Variants in CTNNA3 observed in about 807,000 individuals in gnomAD.
The protein encoded by CTNNA3 is catenin alpha 3, also known as catenin alpha-3.
CTNNA3 carries 76 observed loss-of-function variants against 95.7 expected under a neutral mutation model. The observed-to-expected ratio is 0.79, with a 90% CI of 0.66 to 0.96. The LOEUF (loss-of-function observed/expected upper bound fraction) is 0.96. CTNNA3 is among the 40% of genes least tolerant of loss of function. The pLI, the probability that CTNNA3 is intolerant of heterozygous loss-of-function variation, is 0.00. For synonymous variants in CTNNA3, 431 were observed against 374.4 expected, an observed-to-expected ratio of 1.15 and a Z score of -1.74; for missense variants, 1,191 against 1,089.8, an observed-to-expected ratio of 1.09 and a Z score of -1.31.
intron 7 of CTNNA3, among the ~76,000 whole-genome samples, chr10:67,114,709 G>GGTGTGTGT (rs56772381): frequency 0.013 from 1,948 of 144,824 alleles, 48 homozygotes; most frequent in African/African-American, 0.047. Flanking sequence ...GGTTCTTAAA[G>GGTGTGTGT]GTGTGTGTGT....
chr10:67,454,403 C>T (rs981625126), intron 5 of CTNNA3, among the ~76,000 whole-genome samples: 2 of 152,046 alleles, frequency 1.3e-5, no homozygotes, highest in African/African-American at 4.8e-5. Context: ...ATTTTTCTGG[C>T]TGTATTGGAA....
chr10:66,000,422 T>A (rs541639759), intron 15 of CTNNA3, among the ~76,000 whole-genome samples: 1 of 152,188 alleles, frequency 6.6e-6, no homozygotes, highest in East Asian at 1.9e-4. Flanking sequence ...AATGTTTTCA[T>A]AGAGTCATTT....
intron 5 of CTNNA3, among the ~76,000 whole-genome samples, chr10:67,487,686 G>A (rs930440313): frequency 1.1e-4 from 16 of 152,218 alleles, no homozygotes; most frequent in African/African-American, 3.6e-4. Flanking sequence ...GCTATAGGCA[G>A]TGTGAAGAGC....
chr10:66,768,973 A>T (rs1469766694), intron 8 of CTNNA3, among the ~76,000 whole-genome samples: 1 of 151,564 alleles, frequency 6.6e-6, no homozygotes, highest in Non-Finnish European at 1.5e-5. Flanking sequence ...CAGTAAAGAC[A>T]GTGAGTATAA....
At chr10:66,688,699 C>T (rs1025659848) in intron 9 of CTNNA3, among the ~76,000 whole-genome samples, 9 of 152,036 alleles carry the variant, frequency 5.9e-5, no homozygotes, top group South Asian at 4.2e-4. Flanking sequence ...CGGCCGGGCG[C>T]GGTGGCTCAC....
At chr10:67,028,164 G>A (rs1409565105) in intron 7 of CTNNA3, among the ~76,000 whole-genome samples, 1 of 152,084 alleles carries the variant, frequency 6.6e-6, no homozygotes, top group East Asian at 1.9e-4. Context: ...AACTTTATAT[G>A]GAGCCCAACC....
chr10:67,336,503 C>T (rs1842000936), intron 5 of CTNNA3, among the ~76,000 whole-genome samples: 1 of 152,196 alleles, frequency 6.6e-6, no homozygotes, highest in African/African-American at 2.4e-5. Context: ...GGAGAAGCTG[C>T]AGCATATTAT....
At chr10:66,897,054 T>C (rs1235528786) in intron 7 of CTNNA3, among the ~76,000 whole-genome samples, 7 of 152,178 alleles carry the variant, frequency 4.6e-5, no homozygotes, top group African/African-American at 1.7e-4. Flanking sequence ...TATTGAGTTC[T>C]CAGCAAAAGT....
intron 14 of CTNNA3, among the ~76,000 whole-genome samples, chr10:66,086,832 A>C (rs1216835754): frequency 6.6e-6 from 1 of 152,086 alleles, no homozygotes; most frequent in Non-Finnish European, 1.5e-5. Context: ...GGTGTGCGCT[A>C]CTGGTGATAG....
intron 13 of CTNNA3, among the ~76,000 whole-genome samples, chr10:66,119,560 G>A (rs1311252597): frequency 2.6e-5 from 4 of 152,022 alleles, no homozygotes; most frequent in Non-Finnish European, 5.9e-5. Flanking sequence ...TCCCTCCTAG[G>A]GGATTAGGCT....
At chr10:66,594,118 T>G (rs924579310) in intron 10 of CTNNA3, among the ~76,000 whole-genome samples, 8 of 152,184 alleles carry the variant, frequency 5.3e-5, no homozygotes, top group Admixed American at 4.6e-4. Flanking sequence ...TCATGACATC[T>G]CCTCAAATCT....
At chr10:67,416,563 G>A (rs1234225072) in intron 5 of CTNNA3, among the ~76,000 whole-genome samples, 2 of 142,140 alleles carry the variant, frequency 1.4e-5, no homozygotes, top group Admixed American at 1.5e-4. Context: ...AGCCGAGATC[G>A]CGCCACTGCA....
At chr10:65,961,351 G>T (rs1349968883) in intron 17 of CTNNA3, among the ~76,000 whole-genome samples, 1 of 152,016 alleles carries the variant, frequency 6.6e-6, no homozygotes, top group Non-Finnish European at 1.5e-5. Flanking sequence ...TACTGATACT[G>T]CTTTTAAAAA....
At chr10:66,380,200 TG>T (rs1217214882) in intron 11 of CTNNA3, among the ~76,000 whole-genome samples, 1 of 152,142 alleles carries the variant, frequency 6.6e-6, no homozygotes, top group East Asian at 1.9e-4. Context: ...TGTGTCTCTC[TG>T]TCTTTCTCTT....
chr10:66,036,879 T>G (rs1196191835), intron 15 of CTNNA3, among the ~76,000 whole-genome samples: 1 of 139,644 alleles, frequency 7.2e-6, no homozygotes, highest in Admixed American at 7.2e-5. Context: ...TTTTTTTTTT[T>G]TTTTTTTTTT....
At chr10:66,491,483 G>A (rs1378887358) in intron 11 of CTNNA3, among the ~76,000 whole-genome samples, 1 of 152,056 alleles carries the variant, frequency 6.6e-6, no homozygotes, top group Non-Finnish European at 1.5e-5. Context: ...GAAATGCACA[G>A]AATTAAATGT....
intron 10 of CTNNA3, among the ~76,000 whole-genome samples, chr10:66,552,998 T>C (rs1842267820): frequency 6.6e-6 from 1 of 152,106 alleles, no homozygotes; most frequent in Admixed American, 6.5e-5. Flanking sequence ...TTCTTTGACA[T>C]TAATATGTTT....
intron 5 of CTNNA3, among the ~76,000 whole-genome samples, chr10:67,432,982 A>G (rs560969279): frequency 9.2e-5 from 14 of 152,078 alleles, no homozygotes; most frequent in African/African-American, 3.4e-4. Context: ...TATTTGATAG[A>G]ATGCATTTTT....
chr10:66,722,161 G>A (rs188417147), intron 9 of CTNNA3, among the ~76,000 whole-genome samples: 7 of 152,188 alleles, frequency 4.6e-5, no homozygotes, highest in East Asian at 1.9e-4. Context: ...GGTGGATCAC[G>A]AGGTCAGGAG....
Sources: gnomAD v4.1 joint callset for allele counts (sites outside exome capture counted in the v4.1 genomes callset) on GRCh38, gnomAD v4.1.1 for gene constraint, MANE v1.5 for transcripts, NCBI Gene and HGNC (gene_info 2026-07-23, HGNC 2026-07-21) for gene names.